NUP43: variants seen among roughly 807,000 people sequenced by gnomAD.
NUP43 encodes the protein nucleoporin 43, also known as nucleoporin Nup43.
Under a neutral mutation model 47.3 loss-of-function variants are expected in NUP43, and 32 were observed. That is an observed-to-expected ratio of 0.68 (90% CI 0.51 to 0.91). The LOEUF is 0.91. NUP43 is among the 40% of genes least tolerant of loss of function. The pLI is 0.00. For synonymous variants in NUP43, 147 were observed against 158.4 expected (o/e 0.93, Z 0.54); for missense variants, 444 against 453.9 (o/e 0.98, Z 0.20).
Position 149,726,972 on chromosome 6 carries a change from C to T in NUP43, c.1140G>A (p.Ser380=), listed in dbSNP as rs138553713. ...EAIYVTRHLF[S] is the part of the protein sequence containing the mutation. ...AAATCTTATAATTATAGTACTTCTA[C>T]GAAAAAAGATGTCTAGTAACATAAA... Residue 380 remains serine (S), a synonymous_variant, in exon 8 of 8, where the codon TCG becomes TCA. Coordinates refer to ENST00000340413, the MANE Select transcript of NUP43 (RefSeq NM_198887.3). 2.4e-4 allele frequency: 379 copies of T among 1,609,986 alleles called. No homozygotes were observed. In the African/African-American group the frequency reaches 2.4e-3, roughly 10 times the overall value.
chr6:149,732,925 T>G (rs1475261936), intron 6 of NUP43, among the ~76,000 whole-genome samples: 2 of 152,098 alleles, frequency 1.3e-5, no homozygotes, highest in Admixed American at 1.3e-4. Context: ...TTATTTTTAT[T>G]TTTTTAAATA....
At chr6:149,729,502 A>G in intron 7 of NUP43, 2 of 984,366 alleles carry the variant, frequency 2.0e-6, no homozygotes, top group Non-Finnish European at 2.4e-6. Context: ...AGCCTGGTTG[A>G]GGGAGCGCCT....
chr6:149,746,639 T>C (rs769288880), upstream of NUP43: 2 of 1,588,148 alleles, frequency 1.3e-6, no homozygotes, highest in East Asian at 2.3e-5. Context: ...CGATAGCCAG[T>C]GTGGGCACAG....
chr6:149,741,693 G>C (rs1342452748), intron 4 of NUP43, among the ~76,000 whole-genome samples: 1 of 151,604 alleles, frequency 6.6e-6, no homozygotes, highest in Non-Finnish European at 1.5e-5. Flanking sequence ...TTTCAGTAGA[G>C]ACGGATTTTC....
chr6:149,734,501 T>A (rs1785219865), intron 6 of NUP43, among the ~76,000 whole-genome samples: 1 of 151,832 alleles, frequency 6.6e-6, no homozygotes, highest in African/African-American at 2.4e-5. Flanking sequence ...ACCCCATTTT[T>A]AAAAAAATAT....
chr6:149,725,386 C>G lies in NUP43; in HGVS notation c.*1583G>C, dbSNP rs1784758305. ...AGGCAGGTGGATCATGAGGTCAGTT[C>G]AAGACCAGCCTGGCCAACACAGTGA... On this transcript the variant is annotated 3_prime_UTR_variant, in exon 8 of 8. Transcript: ENST00000340413. The G allele has an allele frequency of 6.6e-6, 1 of 151,972 alleles. No individual in the cohort carries two copies. Among genetic ancestry groups the G allele is most frequent in the South Asian group, 2.1e-4 (1 of 4,810 alleles). 9.4% of individuals were successfully genotyped at this position (151,972 alleles called of 1,614,324 possible).
intron 6 of NUP43, among the ~76,000 whole-genome samples, chr6:149,736,209 A>G (rs895330304): frequency 1.3e-5 from 2 of 150,944 alleles, no homozygotes; most frequent in Non-Finnish European, 3.0e-5. Context: ...CCCAGGAGGC[A>G]GAGGTTGCGG....
At chr6:149,734,866 T>C (rs963868966) in intron 6 of NUP43, among the ~76,000 whole-genome samples, 4 of 146,208 alleles carry the variant, frequency 2.7e-5, no homozygotes, top group African/African-American at 5.1e-5. Flanking sequence ...AAATGAAAAA[T>C]TTCTGTCCGG....
At chr6:149,730,838 T>A (rs1784998995) in intron 7 of NUP43, among the ~76,000 whole-genome samples, 1 of 151,596 alleles carries the variant, frequency 6.6e-6, no homozygotes, top group South Asian at 2.1e-4. Flanking sequence ...TTTGGGAGGC[T>A]GGGGCAGGAG....
Position 149,742,698 on chromosome 6 carries a change from GAAT to G in NUP43, c.322-131_322-129del, listed in dbSNP as rs1785732238. The G allele has an allele frequency of 1.5e-5, 10 of 655,628 alleles. No homozygotes were observed. In the South Asian group the frequency reaches 2.1e-4, roughly 14 times the overall value. 40.6% of individuals were successfully genotyped at this position (655,628 alleles called of 1,614,324 possible). ...GAATAAATCTCTCCTTTTTCCTTTA[GAAT>G]AATGAAATCTAGAAACTACTGCCAT... On this transcript the variant is annotated intron_variant, in intron 3 of 7. Coordinates refer to ENST00000340413, the MANE Select transcript of NUP43 (RefSeq NM_198887.3).
chr6:149,746,092 G>C, intron 1 of NUP43, 30 bp from the exon 2 acceptor site: 1 of 1,601,652 alleles, frequency 6.2e-7, no homozygotes, highest in East Asian at 2.2e-5. Context: ...GTCTTGAGAT[G>C]ACATAAACGT....
chr6:149,729,997 G>A, intron 7 of NUP43, among the ~76,000 whole-genome samples: 1 of 151,576 alleles, frequency 6.6e-6, no homozygotes, highest in East Asian at 1.9e-4. Context: ...TGACTGTAAT[G>A]AGGAAAGCAC....
rs754752813 is a variant in NUP43 at position 149,738,736 on chromosome 6, C to T, written c.545G>A (p.Arg182Gln). ...SSTLHAVTFL[R>Q]TPEILTVNSI... ...ATTTACAGTAAGAATCTCAGGAGTT[C>T]GAAGAAAGGTTACAGCATGGAGTGT... is the stretch of plus-strand genomic sequence containing the variant. Residue 182 changes from arginine to glutamine, a missense_variant, in exon 5 of 8, where the codon CGA becomes CAA. Physicochemically the swap from Arg to Gln is conservative, Grantham distance 43 (BLOSUM62 1). Transcript: ENST00000340413. The T allele has an allele frequency of 4.3e-5, 68 of 1,590,754 alleles. No individual in the cohort carries two copies. Among genetic ancestry groups the T allele is most frequent in the Non-Finnish European group, 5.5e-5 (64 of 1,169,884 alleles).
chr6:149,748,805 T>A (rs925864472), upstream of NUP43, among the ~76,000 whole-genome samples: 3 of 90,668 alleles, frequency 3.3e-5, no homozygotes, highest in African/African-American at 1.3e-4. Flanking sequence ...CGAGACTCCG[T>A]CTCAAAAAAA....
chr6:149,731,051 T>G (rs1785012886), intron 7 of NUP43, among the ~76,000 whole-genome samples: 2 of 152,224 alleles, frequency 1.3e-5, no homozygotes, highest in African/African-American at 4.8e-5. Context: ...TCAGATCACT[T>G]GAGGCCAGGA....
Position 149,731,744 on chromosome 6 carries a change from C to A in NUP43, c.791-9G>T, listed in dbSNP as rs746642335. ...AAAGTGAACTTCCCACACTAAGAGA[C>A]AAGAATCAATAAGCTCATTCCTGTG... is the stretch of plus-strand genomic sequence containing the variant. On this transcript the variant is annotated splice_polypyrimidine_tract_variant and intron_variant, in intron 6 of 7. Coordinates refer to ENST00000340413, the MANE Select transcript of NUP43 (RefSeq NM_198887.3). 5.0e-6 allele frequency: 8 copies of A among 1,613,016 alleles called. No homozygotes were observed. The highest frequency in any genetic ancestry group is 3.3e-4 in the Middle Eastern group (2 of 6,058).
At chr6:149,736,721 C>T (rs952135261) in intron 5 of NUP43, 99 bp from the exon 6 acceptor site, 1 of 1,024,432 alleles carries the variant, frequency 9.8e-7, no homozygotes, top group African/African-American at 1.6e-5. Context: ...GAGACAAGGC[C>T]TCACTTACCC....
chr6:149,732,183 G>GAAAAGA (rs1554245326), intron 6 of NUP43, among the ~76,000 whole-genome samples: 1 of 107,378 alleles, frequency 9.3e-6, no homozygotes, highest in East Asian at 2.3e-4. Flanking sequence ...CACTGTCTGA[G>GAAAAGA]AAAAAAAAAA....
chr6:149,743,817 T>A, intron 2 of NUP43, 102 bp from the exon 3 acceptor site: 1 of 597,506 alleles, frequency 1.7e-6, no homozygotes. Context: ...ATAACAATTT[T>A]AAAAAGCAAA....
Sources: allele counts gnomAD v4.1 joint callset (sites outside exome capture counted in the v4.1 genomes callset), GRCh38; gene constraint gnomAD v4.1.1; transcripts MANE v1.5; gene names NCBI Gene and HGNC (gene_info 2026-07-23, HGNC 2026-07-21).